The following DIP2C variants were observed in gnomAD, a reference collection of about 807,000 sequenced individuals.
DIP2C encodes DIP2 acetate--CoA ligase C (putative).
Under a neutral mutation model 192.4 loss-of-function variants are expected in DIP2C, and 33 were observed. The ratio of observed to expected loss-of-function variants is 0.17; its 90% CI spans 0.13 to 0.23. The LOEUF (loss-of-function observed/expected upper bound fraction) is 0.23. Ranked by LOEUF, DIP2C falls within the 10% of genes least tolerant of loss-of-function variation. The probability of loss-of-function intolerance (pLI) is 1.00; values close to 1 mark genes in which losing one functional copy is unlikely to be tolerated. For missense variants in DIP2C, 1,537 were observed against 2,110.1 expected (o/e 0.73, Z 5.32); for synonymous variants, 979 against 864.1 (o/e 1.13, Z -2.33).
intron 9 of DIP2C, among the ~76,000 whole-genome samples, chr10:405,323 A>G (rs1411057432): frequency 6.6e-6 from 1 of 152,220 alleles, no homozygotes; most frequent in African/African-American, 2.4e-5. Context: ...ATTTATCACT[A>G]GAGTTAATGC....
intron 2 of DIP2C, among the ~76,000 whole-genome samples, chr10:479,745 G>A (rs915968459): frequency 2.6e-5 from 4 of 152,160 alleles, no homozygotes; most frequent in Non-Finnish European, 5.9e-5. Flanking sequence ...CTTGATTAGG[G>A]ACTCATACAC....
intron 1 of DIP2C, among the ~76,000 whole-genome samples, chr10:645,868 A>G (rs944285806): frequency 3.9e-5 from 6 of 152,338 alleles, no homozygotes; most frequent in Admixed American, 2.0e-4. Flanking sequence ...GCTGACCACT[A>G]GGACATAAAC....
chr10:419,427 G>A (rs760454141), intron 5 of DIP2C, among the ~76,000 whole-genome samples: 3 of 152,178 alleles, frequency 2.0e-5, no homozygotes, highest in South Asian at 4.1e-4. Flanking sequence ...AACCTCAGAC[G>A]TAATTTCCTA....
chr10:608,243 A>C (rs1175541910), intron 1 of DIP2C, among the ~76,000 whole-genome samples: 16 of 9,982 alleles, frequency 1.6e-3, no homozygotes, highest in Admixed American at 3.0e-3. Flanking sequence ...AGCCCCCCCC[A>C]CACACACCCC....
intron 1 of DIP2C, among the ~76,000 whole-genome samples, chr10:577,869 T>A (rs1255432693): frequency 1.3e-5 from 2 of 152,038 alleles, no homozygotes; most frequent in African/African-American, 4.8e-5. Flanking sequence ...TAAGAACCTT[T>A]TGGAAAGTTG....
chr10:357,984 C>T (rs928916049), intron 22 of DIP2C, 47 bp from the exon 23 acceptor site: 5 of 1,467,622 alleles, frequency 3.4e-6, no homozygotes, highest in Non-Finnish European at 3.8e-6. Context: ...AAGAGAAATT[C>T]CTTCAGACTA....
chr10:367,833 G>T (rs2132765356), intron 18 of DIP2C, among the ~76,000 whole-genome samples: 1 of 152,262 alleles, frequency 6.6e-6, no homozygotes, highest in East Asian at 1.9e-4. Context: ...ATCATGACGT[G>T]AGAAAACCCC....
chr10:332,588 T>G (rs774783731), intron 29 of DIP2C, among the ~76,000 whole-genome samples: 2 of 152,218 alleles, frequency 1.3e-5, no homozygotes, highest in Non-Finnish European at 2.9e-5. Flanking sequence ...CAAACCTACT[T>G]AAGAGCAGGT....
chr10:617,087 G>C (rs2131812669), intron 1 of DIP2C, among the ~76,000 whole-genome samples: 1 of 152,286 alleles, frequency 6.6e-6, no homozygotes, highest in Non-Finnish European at 1.5e-5. Flanking sequence ...GGGTTCACAG[G>C]CCCAGAGGTG....
chr10:546,983 G>T (rs1331308877), intron 1 of DIP2C, among the ~76,000 whole-genome samples: 2 of 152,188 alleles, frequency 1.3e-5, no homozygotes, highest in Admixed American at 6.5e-5. Flanking sequence ...CTCTTAAGTG[G>T]CAGAGTTTGT....
chr10:577,405 T>C (rs191428104), intron 1 of DIP2C, among the ~76,000 whole-genome samples: 2 of 152,384 alleles, frequency 1.3e-5, no homozygotes, highest in East Asian at 3.8e-4. Flanking sequence ...CCTTTCTATG[T>C]GGCCGTAACA....
In DIP2C at chr10:362,604, G is replaced by T; in HGVS notation, c.2680C>A (p.His894Asn). ...AAAAGCTGTTTTGTTTCTGATAAAT[G>T]GATCCCACCAAGCGGGGTTTTGGGG... is the stretch of plus-strand genomic sequence containing the variant. ...TLPKTPLGGI[H>N]LSETKQLFLE... is the part of the protein sequence containing the mutation. Residue 894 changes from histidine (H) to asparagine (N), a missense_variant, in exon 22 of 37, where the codon CAT becomes AAT. His to Asn is a moderately conservative substitution (Grantham distance 68, BLOSUM62 1). This residue lies in a region of DIP2C where 677 missense variants were observed against 989.9 expected (regional missense o/e 0.68). Transcript: ENST00000280886. The T allele has an allele frequency of 6.2e-7, 1 of 1,614,158 alleles. No homozygotes were observed. Among genetic ancestry groups the T allele is most frequent in the South Asian group, 1.1e-5 (1 of 91,082 alleles).
At chr10:393,096 C>G (rs1260264171) in intron 10 of DIP2C, among the ~76,000 whole-genome samples, 1 of 152,026 alleles carries the variant, frequency 6.6e-6, no homozygotes, top group Non-Finnish European at 1.5e-5. Flanking sequence ...AAGGTGGCGT[C>G]GGCCTCAGTC....
chr10:505,340 A>G (rs1209635468), intron 1 of DIP2C, among the ~76,000 whole-genome samples: 1 of 152,222 alleles, frequency 6.6e-6, no homozygotes, highest in African/African-American at 2.4e-5. Flanking sequence ...AGGAAACAGG[A>G]GAAAGCAAAA....
At chr10:514,446 A>T (rs955820337) in intron 1 of DIP2C, among the ~76,000 whole-genome samples, 1 of 152,106 alleles carries the variant, frequency 6.6e-6, no homozygotes, top group African/African-American at 2.4e-5. Flanking sequence ...TCTTTGTCCG[A>T]GGAATTTACA....
At chr10:340,958 C>T (rs931018621) in intron 29 of DIP2C, 6 of 618,052 alleles carry the variant, frequency 9.7e-6, no homozygotes, top group Admixed American at 2.1e-5. Flanking sequence ...AATAAAGGTC[C>T]GCAACAGACG....
chr10:354,290 G>A (rs908809295), intron 24 of DIP2C, among the ~76,000 whole-genome samples: 3 of 152,186 alleles, frequency 2.0e-5, no homozygotes, highest in African/African-American at 7.2e-5. Context: ...AATCATTTCC[G>A]GGAAATACAT....
At chr10:402,441 G>C (rs1265222996) in intron 9 of DIP2C, among the ~76,000 whole-genome samples, 3 of 14,044 alleles carry the variant, frequency 2.1e-4, no homozygotes, top group African/African-American at 2.4e-4. Flanking sequence ...GACAAGTTTG[G>C]TATGTGTTCA....
intron 3 of DIP2C, among the ~76,000 whole-genome samples, chr10:450,659 G>C (rs756432464): frequency 1.3e-5 from 2 of 152,124 alleles, no homozygotes; most frequent in African/African-American, 2.4e-5. Flanking sequence ...CAGCACCTGG[G>C]TCTGTGACCC....
Sources: allele counts gnomAD v4.1 joint callset (sites outside exome capture counted in the v4.1 genomes callset), GRCh38; gene constraint gnomAD v4.1.1; regional missense constraint gnomAD v4.1.1; transcripts MANE v1.5; gene names NCBI Gene and HGNC (gene_info 2026-07-23, HGNC 2026-07-21).